EDRF1: variants seen among roughly 807,000 people sequenced by gnomAD.
The protein encoded by EDRF1 is erythroid differentiation regulatory factor 1, also known as erythroid differentiation-related factor 1.
EDRF1 carries 69 observed loss-of-function variants against 148.7 expected under a neutral mutation model. The observed-to-expected ratio is 0.46, with a 90% CI of 0.38 to 0.57. The LOEUF (loss-of-function observed/expected upper bound fraction) is 0.57, where lower values mean the gene tolerates loss of function less well. Ranked by LOEUF, EDRF1 falls within the 20% of genes least tolerant of loss-of-function variation. The pLI, the probability that EDRF1 is intolerant of heterozygous loss-of-function variation, is 0.00. For synonymous variants in EDRF1, 515 were observed against 532.8 expected (o/e 0.97, Z 0.46); for missense variants, 1,118 against 1,478.7 (o/e 0.76, Z 4.00).
intron 9 of EDRF1, among the ~76,000 whole-genome samples, chr10:125,732,148 A>G (rs950930366): frequency 6.6e-6 from 1 of 152,134 alleles, no homozygotes; most frequent in African/African-American, 2.4e-5. Flanking sequence ...AGTCTGCTGT[A>G]TGATTCTGGT....
chr10:125,734,233 G>C (rs750927463), intron 12 of EDRF1, 50 bp downstream of exon 12: 1 of 1,396,112 alleles, frequency 7.2e-7, no homozygotes, highest in Non-Finnish European at 1.0e-6. Flanking sequence ...CATTCTAATA[G>C]GAGATTGTTA....
At chr10:125,720,338 C>T (rs1276499290) in intron 1 of EDRF1, among the ~76,000 whole-genome samples, 1 of 152,120 alleles carries the variant, frequency 6.6e-6, no homozygotes, top group Non-Finnish European at 1.5e-5. Context: ...TGGGAGTGTG[C>T]AAGTGCAGGC....
chr10:125,749,555 T>G lies in EDRF1; in HGVS notation c.3267T>G (p.Phe1089Leu). Reference sequence around the variant, plus strand: ...TAGAGAGAGTAGCATTTGCTGAATTTCAGATGACCAGTAAGTCTTAATTTT... The same window carrying G: ...TAGAGAGAGTAGCATTTGCTGAATTGCAGATGACCAGTAAGTCTTAATTTT... ...VQLERVAFAE[F>L]QMTSQNSNVG... The change falls in exon 22 of 25, where the codon TTT (phenylalanine) becomes TTG (leucine). Residue 1089 changes from phenylalanine (F) to leucine (L), a missense_variant. Physicochemically the swap from Phe to Leu is conservative, Grantham distance 22. Around this residue, in one of 3 missense-constraint regions of EDRF1, gnomAD observed 954 missense variants for 1,241.4 expected, o/e 0.77. Coordinates refer to ENST00000356792, the MANE Select transcript of EDRF1 (RefSeq NM_001202438.2). The G allele has an allele frequency of 6.2e-7, 1 of 1,614,108 alleles. No individual in the cohort carries two copies. Among genetic ancestry groups the G allele is most frequent in the Non-Finnish European group, 8.5e-7 (1 of 1,180,022 alleles).
intron 8 of EDRF1, 106 bp from the exon 9 acceptor site, chr10:125,730,182 T>A: frequency 1.2e-6 from 1 of 851,728 alleles, no homozygotes; most frequent in African/African-American, 1.7e-5. Context: ...GCATTTTCTA[T>A]CTAGAGAGGA....
Position 125,725,718 on chromosome 10 carries a change from C to T in EDRF1, c.672C>T (p.Ser224=), listed in dbSNP as rs758234773. The T allele has an allele frequency of 6.8e-6, 11 of 1,613,890 alleles. No individual in the cohort carries two copies. In the East Asian group the frequency reaches 2.0e-4, roughly 29 times the overall value. The change falls in exon 6 of 25, where the codon TCC becomes TCT. Residue 224 remains serine, a synonymous_variant. Transcript: ENST00000356792. ...NGDGAAQPVS[S]TAEQQESSSS... ...ATGGAGCCGCTCAGCCTGTCTCATC[C>T]ACCGCAGAACAGCAGGAATCGTCCA...
At chr10:125,729,587 A>G (rs1044677794) in intron 8 of EDRF1, 108 bp downstream of exon 8, 20 of 1,393,786 alleles carry the variant, frequency 1.4e-5, no homozygotes, top group Non-Finnish European at 1.9e-5. Flanking sequence ...ATGCTACCGC[A>G]CTCCAGCCTA....
At chr10:125,733,262 T>A (rs1461643422) in intron 9 of EDRF1, 142 bp from the exon 10 acceptor site, 1 of 637,740 alleles carries the variant, frequency 1.6e-6, no homozygotes, top group Non-Finnish European at 2.7e-6. Context: ...AGAAAAAAGA[T>A]TAAAAACCAC....
At chr10:125,749,106 C>T in intron 21 of EDRF1, 1 of 382,682 alleles carries the variant, frequency 2.6e-6, no homozygotes, top group South Asian at 2.5e-5. Context: ...ATTAGCCAAG[C>T]AGTAGTGGCG....
rs190639284 is a variant in EDRF1 at position 125,737,728 on chromosome 10, G to A, written c.1759-190G>A. Among the ~76,000 whole-genome samples the A allele has an allele frequency of 4.8e-3, 725 of 152,208 alleles. 4 individuals are homozygous for A. Among genetic ancestry groups the A allele is most frequent in the Non-Finnish European group, 6.7e-3 (456 of 68,010 alleles). ...ATTTGTCTAAAACATTACTACTCTA[G>A]TTCTTGCTTTTTTGTCATAATAGAA... On this transcript the variant is annotated intron_variant, in intron 13 of 24. Transcript: ENST00000356792.
In EDRF1 at chr10:125,734,086, T is replaced by C. The variant is rs1848614140; in HGVS notation, c.1400T>C (p.Met467Thr). 6.2e-7 allele frequency: 1 copy of C among 1,612,868 alleles called. No homozygotes were observed. The change falls in exon 12 of 25, where the codon ATG becomes ACG. Residue 467 changes from methionine to threonine, a missense_variant. Physicochemically the swap from Met to Thr is moderately conservative, Grantham distance 81. Coordinates refer to ENST00000356792, the MANE Select transcript of EDRF1 (RefSeq NM_001202438.2). ...AILLYKVACNMMMKKNQNKKH... is the reference protein window; with the variant it reads ...AILLYKVACNTMMKKNQNKKH... The stretch of plus-strand genomic sequence containing the variant: ...TCTTTTTTTAGGGTTGCTTGCAACA[T>C]GATGATGAAGAAGAATCAAAATAAG...
chr10:125,749,284 A>T, intron 21 of EDRF1, 128 bp from the exon 22 acceptor site: 1 of 1,075,886 alleles, frequency 9.3e-7, no homozygotes, highest in Non-Finnish European at 1.4e-6. Context: ...TTAAAGACCT[A>T]AATATAAAAG....
chr10:125,739,572 T>C (rs1402794015), intron 15 of EDRF1, among the ~76,000 whole-genome samples: 1 of 152,198 alleles, frequency 6.6e-6, no homozygotes, highest in Non-Finnish European at 1.5e-5. Flanking sequence ...ACAATGCCTC[T>C]TACTCACAGA....
intron 13 of EDRF1, among the ~76,000 whole-genome samples, chr10:125,736,234 G>A (rs1848723067): frequency 6.6e-6 from 1 of 152,126 alleles, no homozygotes; most frequent in South Asian, 2.1e-4. Flanking sequence ...GCTGGGAAAT[G>A]ACATATATAG....
chr10:125,749,848 A>C (rs550661431), intron 22 of EDRF1: 2 of 409,128 alleles, frequency 4.9e-6, no homozygotes, highest in African/African-American at 4.1e-5. Flanking sequence ...AGACAGTTAA[A>C]GAATTCAATC....
chr10:125,728,031 T>C (rs779070018), intron 6 of EDRF1, among the ~76,000 whole-genome samples: 1 of 151,698 alleles, frequency 6.6e-6, no homozygotes, highest in Non-Finnish European at 1.5e-5. Context: ...ACCCCATCTC[T>C]ATTTAAAAAA....
chr10:125,735,767 G>C lies in EDRF1; in HGVS notation c.1621G>C (p.Glu541Gln). The C allele has an allele frequency of 6.2e-7, 1 of 1,613,884 alleles. No homozygotes were observed. The highest frequency in any genetic ancestry group is 1.7e-4 in the Middle Eastern group (1 of 6,060). Residue 541 changes from glutamate (E) to glutamine (Q), a missense_variant, in exon 13 of 25, where the codon GAG becomes CAG. By Grantham distance (29) the Glu-to-Gln change is conservative (BLOSUM62 2). This residue lies in a region of EDRF1 where 954 missense variants were observed against 1,241.4 expected (regional missense o/e 0.77). Transcript: ENST00000356792. ...TGAAAGTTATAGTGAAGAGGAGGAAGAGATGCCCGACAGTGATGAAAATGG... is the reference window on the plus strand; with the variant it reads ...TGAAAGTTATAGTGAAGAGGAGGAACAGATGCCCGACAGTGATGAAAATGG... ...SDESYSEEEEEMPDSDENGSY... is the reference protein window; with the variant it reads ...SDESYSEEEEQMPDSDENGSY...
At chr10:125,725,990 T>C (rs925969450) in intron 6 of EDRF1, 152 bp downstream of exon 6, 2 of 881,844 alleles carry the variant, frequency 2.3e-6, no homozygotes, top group Admixed American at 2.7e-5. Context: ...ATTTATGGAA[T>C]TGGAGAAATA....
rs1285966973 is a variant in EDRF1, at chr10:125,725,450, G to T, written c.635+8G>T. 1.9e-6 allele frequency: 3 copies of T among 1,613,652 alleles called. No individual in the cohort carries two copies. The Admixed American group carries it at 5.0e-5, about 27-fold the overall frequency. On this transcript the variant is annotated splice_region_variant and intron_variant, in intron 5 of 24. Transcript: ENST00000356792. ...CAAGTTTTTATATTACAGGTACTTG[G>T]CTACTTATTTATCTCTAAAGAGAAA...
intron 18 of EDRF1, among the ~76,000 whole-genome samples, chr10:125,744,117 A>G (rs769433133): frequency 2.0e-5 from 3 of 152,176 alleles, no homozygotes; most frequent in Non-Finnish European, 4.4e-5. Context: ...ATAAGAATGT[A>G]AAGCCTGGAC....
Sources: allele counts gnomAD v4.1 joint callset (sites outside exome capture counted in the v4.1 genomes callset), GRCh38; gene constraint gnomAD v4.1.1; regional missense constraint gnomAD v4.1.1; transcripts MANE v1.5; gene names NCBI Gene and HGNC (gene_info 2026-07-23, HGNC 2026-07-21).